CNOT10: variants seen among roughly 807,000 people sequenced by gnomAD.
The protein encoded by CNOT10 is CCR4-NOT transcription complex subunit 10.
A neutral mutation model predicts 94.6 loss-of-function variants in CNOT10; 30 were observed. That is an observed-to-expected ratio of 0.32 (90% confidence interval 0.24 to 0.43). The LOEUF (loss-of-function observed/expected upper bound fraction) is 0.43, where lower values mean the gene tolerates loss of function less well. Ranked by LOEUF, CNOT10 falls within the 20% of genes least tolerant of loss-of-function variation. The probability of loss-of-function intolerance (pLI) is 1.00; values close to 1 mark genes in which losing one functional copy is unlikely to be tolerated. For missense variants in CNOT10, 759 were observed against 877.2 expected (o/e 0.87, Z 1.70); for synonymous variants, 289 against 301.6 (o/e 0.96, Z 0.43).
chr3:32,766,951 T>C (rs1700672633), intron 17 of CNOT10, among the ~76,000 whole-genome samples: 1 of 152,202 alleles, frequency 6.6e-6, no homozygotes, highest in Non-Finnish European at 1.5e-5. Context: ...CCAGCAGATA[T>C]CTGTTGAGCA....
At chr3:32,738,268 C>T (rs771829734) in intron 13 of CNOT10, among the ~76,000 whole-genome samples, 12 of 152,120 alleles carry the variant, frequency 7.9e-5, no homozygotes, top group Non-Finnish European at 1.3e-4. Context: ...GTACAACAAA[C>T]CCCCATGACA....
At chr3:32,754,489 A>AAAATATATATATATAT (rs77878221) in intron 13 of CNOT10, among the ~76,000 whole-genome samples, 1 of 70,220 alleles carries the variant, frequency 1.4e-5, no homozygotes, top group African/African-American at 7.7e-5. Context: ...AAAAAAAAAA[A>AAAATATATATATATAT]ATACATATAT....
intron 13 of CNOT10, among the ~76,000 whole-genome samples, chr3:32,751,675 C>T (rs1699972873): frequency 6.6e-6 from 1 of 152,132 alleles, no homozygotes; most frequent in African/African-American, 2.4e-5. Context: ...TTTTAGTGTG[C>T]TTAAGAAACC....
chr3:32,692,284 C>T (rs1010857569), intron 1 of CNOT10, among the ~76,000 whole-genome samples: 1 of 152,146 alleles, frequency 6.6e-6, no homozygotes, highest in Non-Finnish European at 1.5e-5. Flanking sequence ...TTTGTAGGCA[C>T]AGGGTCCCAA....
At chr3:32,690,089 A>G (rs1696788088) in intron 1 of CNOT10, among the ~76,000 whole-genome samples, 1 of 152,190 alleles carries the variant, frequency 6.6e-6, no homozygotes, top group African/African-American at 2.4e-5. Flanking sequence ...GTTTGAATTC[A>G]TTTTAACTAA....
At chr3:32,699,896 A>G (rs985433504) in intron 1 of CNOT10, among the ~76,000 whole-genome samples, 1 of 150,504 alleles carries the variant, frequency 6.6e-6, no homozygotes, top group African/African-American at 2.4e-5. Flanking sequence ...GTGGTCTACT[A>G]TTTCTCATGT....
intron 1 of CNOT10, among the ~76,000 whole-genome samples, chr3:32,688,203 G>T (rs1349546719): frequency 6.6e-5 from 10 of 152,158 alleles, no homozygotes; most frequent in Admixed American, 6.5e-4. Flanking sequence ...TAGGAACTGG[G>T]CAGGAACAAA....
chr3:32,771,632 C>A (rs749723403), intron 18 of CNOT10, among the ~76,000 whole-genome samples: 9 of 151,810 alleles, frequency 5.9e-5, no homozygotes, highest in East Asian at 1.9e-4. Flanking sequence ...CTATATCTAT[C>A]TAGATAGATA....
rs566364500 is a variant in CNOT10, at chr3:32,772,140, G to A, written c.2081-1317G>A. On this transcript the variant is annotated intron_variant, in intron 18 of 18. Coordinates refer to ENST00000328834, the MANE Select transcript of CNOT10 (RefSeq NM_015442.3). ...CCGAGGCGGGCAGATCATGAGGTCA[G>A]GAGATCGAGACCATCCTGGCTAACA... Among the ~76,000 whole-genome samples, 255 of 152,256 alleles carry A rather than the reference G, an allele frequency of 1.7e-3. 1 individual carries two copies. The highest frequency in any genetic ancestry group is 5.8e-3 in the African/African-American group (243 of 41,562).
At chr3:32,745,243 A>G (rs889594330) in intron 13 of CNOT10, among the ~76,000 whole-genome samples, 2 of 152,314 alleles carry the variant, frequency 1.3e-5, no homozygotes, top group African/African-American at 4.8e-5. Context: ...TATATGCTAT[A>G]TAAACAGTTG....
At chr3:32,723,407 A>G (rs1698512447) in intron 8 of CNOT10, among the ~76,000 whole-genome samples, 1 of 151,818 alleles carries the variant, frequency 6.6e-6, no homozygotes, top group Non-Finnish European at 1.5e-5. Context: ...AAAAAAAAAG[A>G]AAAGAGAATA....
chr3:32,764,415 TG>T lies in CNOT10; in HGVS notation c.1841-39del, dbSNP rs748657380. 3.1e-6 allele frequency: 5 copies of T among 1,606,472 alleles called. No homozygotes were observed. In the East Asian group the frequency reaches 1.1e-4, roughly 36 times the overall value. Reference sequence around the variant, plus strand: ...AGGAGAAAAGAAAGAAAATATGCTCTGTTGTTCTGCCCCTCAGATTTATTTT... The same window carrying T: ...AGGAGAAAAGAAAGAAAATATGCTCTTTGTTCTGCCCCTCAGATTTATTTT... On this transcript the variant is annotated intron_variant, in intron 15 of 18. Transcript: ENST00000328834.
chr3:32,692,277 G>C (rs563084934), intron 1 of CNOT10, among the ~76,000 whole-genome samples: 1 of 152,100 alleles, frequency 6.6e-6, no homozygotes, highest in South Asian at 2.1e-4. Flanking sequence ...AAATTTATTT[G>C]TAGGCACAGG....
At chr3:32,760,626 C>T (rs1021050941) in intron 14 of CNOT10, among the ~76,000 whole-genome samples, 1 of 151,910 alleles carries the variant, frequency 6.6e-6, no homozygotes, top group Non-Finnish European at 1.5e-5. Flanking sequence ...AGCAAGACTC[C>T]CTCTCAAAAA....
At chr3:32,730,629 A>G (rs1698900408) in intron 10 of CNOT10, 1 of 152,240 alleles carries the variant, frequency 6.6e-6, no homozygotes, top group South Asian at 2.1e-4. Context: ...TAAACTCCAA[A>G]TAAAATTCCA....
At chr3:32,727,359 A>G (rs1698722581) in intron 9 of CNOT10, among the ~76,000 whole-genome samples, 1 of 152,168 alleles carries the variant, frequency 6.6e-6, no homozygotes, top group African/African-American at 2.4e-5. Flanking sequence ...GTAGAAAAGT[A>G]GTATAAGGTG....
At chr3:32,761,183 A>G (rs550485462) in intron 14 of CNOT10, among the ~76,000 whole-genome samples, 115 of 152,278 alleles carry the variant, frequency 7.6e-4, no homozygotes, top group Non-Finnish European at 1.5e-3. Context: ...CAATTCAAAT[A>G]TAAGGGAGCT....
intron 4 of CNOT10, among the ~76,000 whole-genome samples, chr3:32,712,173 T>G (rs940948318): frequency 1.3e-5 from 2 of 151,690 alleles, no homozygotes; most frequent in East Asian, 3.9e-4. Flanking sequence ...GTTTTTTTTT[T>G]TTTTCCATCT....
chr3:32,685,726 A>G (rs1460973763), intron 1 of CNOT10, among the ~76,000 whole-genome samples: 2 of 152,186 alleles, frequency 1.3e-5, no homozygotes, highest in Non-Finnish European at 2.9e-5. Flanking sequence ...CCTGCTCTTC[A>G]GAATAACTCC....
Sources: allele counts gnomAD v4.1 joint callset (sites outside exome capture counted in the v4.1 genomes callset), GRCh38; gene constraint gnomAD v4.1.1; transcripts MANE v1.5; gene names NCBI Gene and HGNC (gene_info 2026-07-23, HGNC 2026-07-21).